The following PDIA5 variants were observed in gnomAD, a reference collection of about 807,000 sequenced individuals.
PDIA5 encodes protein disulfide-isomerase A5.
PDIA5 carries 58 observed loss-of-function variants against 77.6 expected under a neutral mutation model. That is an observed-to-expected ratio of 0.75 (90% CI 0.61 to 0.93). The LOEUF (loss-of-function observed/expected upper bound fraction) is 0.93, where lower values mean the gene tolerates loss of function less well. Ranked by LOEUF, PDIA5 falls within the 40% of genes least tolerant of loss-of-function variation. The pLI is 0.00. For synonymous variants in PDIA5, 250 were observed against 252.1 expected, an observed-to-expected ratio of 0.99 and a Z score of 0.08; for missense variants, 630 against 647.7, an observed-to-expected ratio of 0.97 and a Z score of 0.30.
chr3:123,084,272 A>C (rs1934080277), intron 1 of PDIA5, among the ~76,000 whole-genome samples: 1 of 151,956 alleles, frequency 6.6e-6, no homozygotes, highest in Admixed American at 6.5e-5. Flanking sequence ...TGCTGGGTAG[A>C]CTTTCTCTCC....
chr3:123,107,480 A>G (rs1049062342), intron 6 of PDIA5, among the ~76,000 whole-genome samples: 1 of 152,140 alleles, frequency 6.6e-6, no homozygotes, highest in Non-Finnish European at 1.5e-5. Flanking sequence ...GCTTGAGCCC[A>G]GGAGTTCAAG....
intron 1 of PDIA5, among the ~76,000 whole-genome samples, chr3:123,078,759 G>T (rs1933918545): frequency 6.6e-6 from 1 of 152,146 alleles, no homozygotes; most frequent in Admixed American, 6.5e-5. Flanking sequence ...ATCTGGAATA[G>T]TTCCTCAGTC....
chr3:123,128,511 T>A (rs1030055719), intron 10 of PDIA5, among the ~76,000 whole-genome samples: 1 of 151,864 alleles, frequency 6.6e-6, no homozygotes, highest in Non-Finnish European at 1.5e-5. Flanking sequence ...TTATTTTTTA[T>A]TTTTTTATTT....
rs1226392749 is a variant in PDIA5 at position 123,161,975 on chromosome 3, A to G, written c.*15A>G. 1 of 1,502,516 alleles carries G rather than the reference A, an allele frequency of 6.7e-7. No individual in the cohort carries two copies. Among genetic ancestry groups the G allele is most frequent in the African/African-American group, 1.4e-5 (1 of 72,656 alleles). The allele number at this position is 1,502,516 out of a possible 1,614,324, so 93.1% of individuals were successfully genotyped here. On this transcript the variant is annotated 3_prime_UTR_variant, in exon 17 of 17. Transcript: ENST00000316218. Reference sequence around the variant, plus strand: ...AAGAGTTATAATTCCTGCCTCAGAAAAAGCTTTTCCATTACACTGTGAATG... The same window carrying G: ...AAGAGTTATAATTCCTGCCTCAGAAGAAGCTTTTCCATTACACTGTGAATG...
At chr3:123,093,073 T>G (rs1002557099) in intron 3 of PDIA5, among the ~76,000 whole-genome samples, 1 of 152,274 alleles carries the variant, frequency 6.6e-6, no homozygotes, top group Non-Finnish European at 1.5e-5. Context: ...ATCCTCTTCC[T>G]CTTTAGTCTG....
chr3:123,073,647 A>C (rs991551576), intron 1 of PDIA5, among the ~76,000 whole-genome samples: 1 of 152,186 alleles, frequency 6.6e-6, no homozygotes, highest in African/African-American at 2.4e-5. Context: ...GGGTTAAAAG[A>C]GCCTTTATTC....
chr3:123,159,263 G>A (rs1255506201), intron 15 of PDIA5, among the ~76,000 whole-genome samples: 3 of 152,228 alleles, frequency 2.0e-5, no homozygotes, highest in Non-Finnish European at 4.4e-5. Context: ...GTATGTGGAT[G>A]CCCGTGTCCC....
intron 3 of PDIA5, among the ~76,000 whole-genome samples, chr3:123,094,394 ACT>A (rs1934379956): frequency 6.6e-6 from 1 of 152,182 alleles, no homozygotes; most frequent in Non-Finnish European, 1.5e-5. Context: ...AAGGTTCAGA[ACT>A]CTGGGCTGTG....
At chr3:123,142,596 T>C (rs557966852) in intron 11 of PDIA5, among the ~76,000 whole-genome samples, 2 of 152,230 alleles carry the variant, frequency 1.3e-5, no homozygotes, top group East Asian at 1.9e-4. Flanking sequence ...GGAAGAAGGG[T>C]TTACCACTTT....
At chr3:123,072,764 G>A (rs977571913) in intron 1 of PDIA5, among the ~76,000 whole-genome samples, 24 of 152,280 alleles carry the variant, frequency 1.6e-4, no homozygotes, top group African/African-American at 5.5e-4. Context: ...TTATTCTGTT[G>A]GGCTCTTGTG....
At chr3:123,119,926 G>A (rs1041103188) in intron 8 of PDIA5, among the ~76,000 whole-genome samples, 4 of 152,202 alleles carry the variant, frequency 2.6e-5, no homozygotes, top group Admixed American at 6.5e-5. Context: ...AGGAAGGCAT[G>A]CCAGGTCAGG....
chr3:123,126,033 C>T (rs1935240006), intron 10 of PDIA5, among the ~76,000 whole-genome samples: 1 of 152,210 alleles, frequency 6.6e-6, no homozygotes, highest in Non-Finnish European at 1.5e-5. Flanking sequence ...GTCTGCTTCC[C>T]TTCCCTTCTC....
At chr3:123,154,360 T>C (rs1479712885) in intron 14 of PDIA5, among the ~76,000 whole-genome samples, 1 of 152,180 alleles carries the variant, frequency 6.6e-6, no homozygotes, top group Non-Finnish European at 1.5e-5. Flanking sequence ...TTCCTGTTCC[T>C]GGCTTTGAGG....
chr3:123,089,402 C>A, intron 2 of PDIA5, 108 bp downstream of exon 2: 3 of 1,066,212 alleles, frequency 2.8e-6, no homozygotes, highest in Non-Finnish European at 4.2e-6. Flanking sequence ...AGGGAGGGTC[C>A]AAGGGACATG....
intron 11 of PDIA5, among the ~76,000 whole-genome samples, chr3:123,143,689 T>A (rs1935694343): frequency 6.6e-6 from 1 of 152,184 alleles, no homozygotes; most frequent in Non-Finnish European, 1.5e-5. Context: ...GCTCCCTAGA[T>A]AATGGCAGCA....
chr3:123,130,284 AAGGTGG>A (rs1177676778), intron 10 of PDIA5, among the ~76,000 whole-genome samples, 190 bp from the exon 11 acceptor site: 7 of 152,308 alleles, frequency 4.6e-5, no homozygotes, highest in Non-Finnish European at 8.8e-5. Context: ...CTTTGCGGGG[AAGGTGG>A]AGGTGGGCAG....
intron 1 of PDIA5, among the ~76,000 whole-genome samples, chr3:123,088,613 C>T (rs1457868415): frequency 2.0e-5 from 3 of 152,182 alleles, no homozygotes; most frequent in African/African-American, 7.2e-5. Flanking sequence ...ATACAAACCT[C>T]CCTTGGTATC....
intron 8 of PDIA5, among the ~76,000 whole-genome samples, chr3:123,118,101 C>T (rs769422782): frequency 1.6e-4 from 24 of 152,212 alleles, no homozygotes; most frequent in Non-Finnish European, 2.9e-4. Context: ...GGCATGGAGA[C>T]GGCCCTGCTC....
rs140513172 is a variant in PDIA5 at position 123,120,494 on chromosome 3, G to A, written c.610-3572G>A. ...TGCCCTGCACCACATTCCTTCCACC[G>A]GCTAGATGGGGGTGCTCCCAAGGTT... On this transcript the variant is annotated intron_variant, in intron 8 of 16. Transcript: ENST00000316218. Among the ~76,000 whole-genome samples the A allele has an allele frequency of 4.1e-3, 632 of 152,318 alleles. 1 individual carries two copies. Among genetic ancestry groups the A allele is most frequent in the Middle Eastern group, 0.01 (3 of 292 alleles).
Sources: gnomAD v4.1 joint callset for allele counts (sites outside exome capture counted in the v4.1 genomes callset) on GRCh38, gnomAD v4.1.1 for gene constraint, MANE v1.5 for transcripts, NCBI Gene and HGNC (gene_info 2026-07-23, HGNC 2026-07-21) for gene names.